The following PLEKHG1 variants were observed in gnomAD, a reference collection of about 807,000 sequenced individuals.
The protein encoded by PLEKHG1 is pleckstrin homology and RhoGEF domain containing G1, also known as pleckstrin homology domain-containing family G member 1.
In PLEKHG1, 44 loss-of-function variants were observed where a neutral mutation model predicts 100.8. The ratio of observed to expected loss-of-function variants is 0.44; its 90% confidence interval spans 0.34 to 0.56. PLEKHG1 has a LOEUF of 0.56. Among genes scored for constraint, PLEKHG1 ranks in the 20% least tolerant of loss-of-function variants. The pLI, the probability that PLEKHG1 is intolerant of heterozygous loss-of-function variation, is 0.01. For synonymous variants in PLEKHG1, 640 were observed against 662.5 expected (o/e 0.97, Z 0.52); for missense variants, 1,545 against 1,720.9 (o/e 0.90, Z 1.81).
At position 150,768,887 on chromosome 6, in the gene PLEKHG1, G is replaced by T. The variant is rs779793912; in HGVS notation, c.512+149G>T. 9 of 623,580 alleles carry T rather than the reference G, an allele frequency of 1.4e-5. No individual in the cohort carries two copies. The African/African-American group carries it at 1.7e-4, about 11-fold the overall frequency. 38.6% of individuals were successfully genotyped at this position (623,580 alleles called of 1,614,324 possible). The stretch of plus-strand genomic sequence containing the variant: ...GTGCCAAGAAGCTTTCTGCTTGGAA[G>T]TATCCTTATTTCCTTATGAGTCTCA... On this transcript the variant is annotated intron_variant, in intron 3 of 15. Coordinates refer to ENST00000358517, the Ensembl canonical transcript of PLEKHG1.
At chr6:150,614,090 C>T (rs1354254915) in intron 1 of PLEKHG1, among the ~76,000 whole-genome samples, 6 of 152,070 alleles carry the variant, frequency 3.9e-5, no homozygotes, top group Non-Finnish European at 8.8e-5. Flanking sequence ...AAGTCAGCAC[C>T]ACAAAAAATA....
intron 2 of PLEKHG1, among the ~76,000 whole-genome samples, chr6:150,745,542 G>T (rs545813798): frequency 6.6e-6 from 1 of 152,198 alleles, no homozygotes; most frequent in South Asian, 2.1e-4. Context: ...AATTAGCTGG[G>T]TGTGGTGGCA....
In PLEKHG1 at chr6:150,831,907, C is replaced by T; in HGVS notation, c.2796C>T (p.Asn932=). Residue 932 remains asparagine (N), a synonymous_variant, in exon 15 of 16, where the codon AAC becomes AAT. Transcript: ENST00000358517. The surrounding 1 kb of genome is among the most constrained non-coding windows in gnomAD (Gnocchi z 4.1). ...AAGAAGGCTCCTTTATGAGCCTTAACCGGCTTTCTCTGGCTAGTGAAATGC... is the reference window on the plus strand; with the variant it reads ...AAGAAGGCTCCTTTATGAGCCTTAATCGGCTTTCTCTGGCTAGTGAAATGC... 6.2e-7 allele frequency: 1 copy of T among 1,614,090 alleles called. No homozygotes were observed. Among genetic ancestry groups the T allele is most frequent in the South Asian group, 1.1e-5 (1 of 91,084 alleles).
rs112242664 is a variant in PLEKHG1 at position 150,810,923 on chromosome 6, G to GA, written c.1278+1202dup. 9.3e-3 allele frequency among the ~76,000 whole-genome samples: 1,305 copies of GA among 140,868 alleles called. 23 individuals carry two copies. The highest frequency in any genetic ancestry group is 0.082 in the East Asian group (401 of 4,874). The allele number at this position is 140,868 out of a possible 152,430, so 92.4% of individuals were successfully genotyped here. ...GTGACAGAGCAAGATCCTGTCTCAAGAAAAAAAAAAAAAGATTCACATGAA... is the reference window on the plus strand; with the variant it reads ...GTGACAGAGCAAGATCCTGTCTCAAGAAAAAAAAAAAAAAGATTCACATGAA... On this transcript the variant is annotated intron_variant, in intron 10 of 15. Coordinates refer to ENST00000358517, the Ensembl canonical transcript of PLEKHG1.
chr6:150,649,506 C>A (rs1157898664), intron 2 of PLEKHG1, among the ~76,000 whole-genome samples: 1 of 152,214 alleles, frequency 6.6e-6, no homozygotes, highest in East Asian at 1.9e-4. Context: ...AGATACCCAG[C>A]TGAGAAATTT....
chr6:150,709,055 T>C (rs1348134761), intron 3 of PLEKHG1, among the ~76,000 whole-genome samples: 1 of 152,216 alleles, frequency 6.6e-6, no homozygotes, highest in Non-Finnish European at 1.5e-5. Flanking sequence ...ATTACAGGGC[T>C]GGGCGCGGTG....
chr6:150,639,378 C>T (rs1303978320), intron 2 of PLEKHG1, among the ~76,000 whole-genome samples: 1 of 152,124 alleles, frequency 6.6e-6, no homozygotes, highest in African/African-American at 2.4e-5. Context: ...TGTTCATCAT[C>T]TGCAACATTT....
At chr6:150,662,334 G>A (rs1779225670) in intron 3 of PLEKHG1, 1 of 152,132 alleles carries the variant, frequency 6.6e-6, no homozygotes, top group Non-Finnish European at 1.5e-5. Context: ...ATATACCATT[G>A]GAACCCGGAA....
At chr6:150,832,675 T>G (rs1777014457) in intron 15 of PLEKHG1, among the ~76,000 whole-genome samples, 1 of 128,702 alleles carries the variant, frequency 7.8e-6, no homozygotes, top group African/African-American at 2.9e-5. Context: ...GGGGTTTTTT[T>G]GCATACTTTT....
intron 3 of PLEKHG1, among the ~76,000 whole-genome samples, chr6:150,777,841 C>T (rs1181764592): frequency 6.6e-6 from 1 of 152,282 alleles, no homozygotes; most frequent in Non-Finnish European, 1.5e-5. Context: ...TGTGCTGTTG[C>T]ACGTTAGTTA....
Position 150,600,671 on chromosome 6 carries a change from G to A in PLEKHG1, c.-204+654G>A, listed in dbSNP as rs1776310875. ...TAAACGGTAACACCTGGGCGGCCGC[G>A]ACTCTGCGAGCGTTCTGGCCTCGGC... On this transcript the variant is annotated intron_variant, in intron 1 of 3. Coordinates refer to the PLEKHG1 transcript ENST00000367326. This position sits in a 1 kb window ranked among gnomAD's most constrained non-coding sequence, Gnocchi z 6.2. 6.6e-6 allele frequency among the ~76,000 whole-genome samples: 1 copy of A among 152,242 alleles called. No individual in the cohort carries two copies. Among genetic ancestry groups the A allele is most frequent in the Non-Finnish European group, 1.5e-5 (1 of 68,040 alleles).
At chr6:150,670,288 G>T (rs1779540587) in intron 3 of PLEKHG1, among the ~76,000 whole-genome samples, 1 of 152,046 alleles carries the variant, frequency 6.6e-6, no homozygotes, top group African/African-American at 2.4e-5. Context: ...GCCTTCCACT[G>T]ACCTTTATTT....
At chr6:150,800,375 C>T (rs1361235115) in intron 5 of PLEKHG1, among the ~76,000 whole-genome samples, 1 of 152,170 alleles carries the variant, frequency 6.6e-6, no homozygotes, top group Non-Finnish European at 1.5e-5. Flanking sequence ...GTGAGCACTG[C>T]ACAGAGATAC....
At chr6:150,770,559 C>G (rs1447585098) in intron 3 of PLEKHG1, among the ~76,000 whole-genome samples, 1 of 152,146 alleles carries the variant, frequency 6.6e-6, no homozygotes, top group Admixed American at 6.5e-5. Context: ...GGGGCCAGAA[C>G]ATCAGAATTT....
chr6:150,802,964 C>A (rs1735249391), intron 6 of PLEKHG1, among the ~76,000 whole-genome samples: 1 of 152,040 alleles, frequency 6.6e-6, no homozygotes, highest in African/African-American at 2.4e-5. Context: ...CTGGCCCATT[C>A]ACATCATTTC....
chr6:150,725,472 G>A (rs774944524), intron 1 of PLEKHG1, among the ~76,000 whole-genome samples: 5 of 152,244 alleles, frequency 3.3e-5, no homozygotes, highest in Non-Finnish European at 7.4e-5. Context: ...CTCACCTCCT[G>A]TTTGAATGAA....
chr6:150,613,873 T>C (rs1233167566), intron 1 of PLEKHG1, among the ~76,000 whole-genome samples: 1 of 152,236 alleles, frequency 6.6e-6, no homozygotes, highest in Non-Finnish European at 1.5e-5. Flanking sequence ...TATCTAGGTC[T>C]GCGTTTTTTC....
At position 150,795,906 on chromosome 6, in the gene PLEKHG1, T is replaced by A. The variant is rs200185444; in HGVS notation, c.629+4T>A. 6.0e-5 allele frequency: 95 copies of A among 1,579,374 alleles called. No homozygotes were observed. In the African/African-American group the frequency reaches 1.1e-3, roughly 18 times the overall value. On this transcript the variant is annotated splice_donor_region_variant and intron_variant, in intron 5 of 15. Coordinates refer to ENST00000358517, the Ensembl canonical transcript of PLEKHG1. ...AGTATTGCACTAACTATCCAAGGTA[T>A]GGATCGAGAATGGGCCAAGAGTACT...
intron 3 of PLEKHG1, among the ~76,000 whole-genome samples, chr6:150,653,917 CA>C (rs1582890567): frequency 6.6e-6 from 1 of 152,258 alleles, no homozygotes; most frequent in East Asian, 1.9e-4. Context: ...TTCCTAAAAT[CA>C]AATAAATATT....
Sources: allele counts gnomAD v4.1 joint callset (sites outside exome capture counted in the v4.1 genomes callset), GRCh38; gene constraint gnomAD v4.1.1; non-coding constraint Gnocchi (gnomAD v3.1); transcripts MANE v1.5; gene names NCBI Gene and HGNC (gene_info 2026-07-23, HGNC 2026-07-21).